The following GLG1 variants were observed in gnomAD, a reference collection of about 807,000 sequenced individuals.
The protein encoded by GLG1 is golgi glycoprotein 1, also known as Golgi apparatus protein 1.
GLG1 carries 38 observed loss-of-function variants against 160.5 expected under a neutral mutation model. That is an observed-to-expected ratio of 0.24 (90% CI 0.18 to 0.31). The LOEUF is 0.31. GLG1 is among the 10% of genes least tolerant of loss of function. The probability of loss-of-function intolerance (pLI) is 1.00; values close to 1 mark genes in which losing one functional copy is unlikely to be tolerated. For missense variants in GLG1, 1,373 were observed against 1,505.2 expected, an observed-to-expected ratio of 0.91 and a Z score of 1.45; for synonymous variants, 644 against 543.4, an observed-to-expected ratio of 1.19 and a Z score of -2.57.
In GLG1 at chr16:74,532,193, A is replaced by ATAT. The variant is rs751339639; in HGVS notation, c.439-41_439-40insATA. Reference sequence around the variant, plus strand: ...AAAGAAGAGATGATGTAAAAAAAAAAATATATATATATATATATAGAGAAC... The same window carrying ATAT: ...AAAGAAGAGATGATGTAAAAAAAAAATATATATATATATATATATATAGAGAAC... On this transcript the variant is annotated intron_variant, in intron 1 of 25. Transcript: ENST00000422840. 11 of 324,990 alleles carry ATAT rather than the reference A, an allele frequency of 3.4e-5. No homozygotes were observed. In the African/African-American group the frequency reaches 4.0e-4, roughly 12 times the overall value. 20.1% of individuals were successfully genotyped at this position (324,990 alleles called of 1,614,324 possible).
chr16:74,572,800 G>A (rs1291256247), intron 1 of GLG1, among the ~76,000 whole-genome samples: 3 of 152,184 alleles, frequency 2.0e-5, no homozygotes, highest in Admixed American at 2.0e-4. Flanking sequence ...GGGGTGGGAG[G>A]GGGTGGTGCC....
chr16:74,456,606 ATTTTTTTGT>A, intron 25 of GLG1, 34 bp downstream of exon 25: 2 of 1,196,100 alleles, frequency 1.7e-6, no homozygotes, highest in Non-Finnish European at 2.5e-6. Context: ...AGTGTTCCAT[ATTTTTTTGT>A]TTTTTTAAAA....
intron 1 of GLG1, among the ~76,000 whole-genome samples, chr16:74,602,848 A>G (rs745373009): frequency 9.9e-5 from 15 of 151,538 alleles, no homozygotes; most frequent in Admixed American, 4.6e-4. Context: ...TCATTACCCT[A>G]TTCTCTCTAC....
chr16:74,509,153 C>G (rs1269599314), intron 2 of GLG1, among the ~76,000 whole-genome samples: 1 of 139,722 alleles, frequency 7.2e-6, no homozygotes, highest in African/African-American at 2.6e-5. Flanking sequence ...GTCGTTTTTA[C>G]TAAAGGACAA....
chr16:74,585,467 G>A (rs536764201), intron 1 of GLG1, among the ~76,000 whole-genome samples: 1 of 152,204 alleles, frequency 6.6e-6, no homozygotes, highest in South Asian at 2.1e-4. Flanking sequence ...AGCACTTTGG[G>A]AAGCTGAGAT....
chr16:74,545,547 G>A (rs1192771716), intron 1 of GLG1, among the ~76,000 whole-genome samples: 1 of 152,168 alleles, frequency 6.6e-6, no homozygotes, highest in Non-Finnish European at 1.5e-5. Context: ...CCAGACCCTA[G>A]TCTTTCAATC....
intron 1 of GLG1, chr16:74,552,114 C>T (rs1567519055): frequency 8.2e-6 from 2 of 244,494 alleles, no homozygotes; most frequent in Non-Finnish European, 1.6e-5. Context: ...GCACATCCAA[C>T]ATTTACCAGA....
At chr16:74,524,130 A>C (rs1449775821) in intron 2 of GLG1, among the ~76,000 whole-genome samples, 2 of 151,966 alleles carry the variant, frequency 1.3e-5, no homozygotes, top group Non-Finnish European at 2.9e-5. Context: ...AATCACTTGA[A>C]CCCAGGAGGT....
intron 2 of GLG1, among the ~76,000 whole-genome samples, chr16:74,527,603 T>C (rs1263745303): frequency 1.3e-5 from 2 of 152,184 alleles, no homozygotes; most frequent in African/African-American, 4.8e-5. Flanking sequence ...TCAATTATTT[T>C]TCTCTTCTAG....
intron 3 of GLG1, among the ~76,000 whole-genome samples, chr16:74,504,682 T>A (rs16957176): frequency 0.014 from 2,120 of 152,290 alleles, 36 homozygotes; most frequent in African/African-American, 0.048. Context: ...CGCTGTGGTC[T>A]GGGACACATG....
At chr16:74,454,671 A>C (rs1364098397) in intron 25 of GLG1, among the ~76,000 whole-genome samples, 787 of 69,618 alleles carry the variant, frequency 0.011, 22 homozygotes, top group African/African-American at 0.041. Context: ...GTCCCCAAAA[A>C]AAAAAAAAAA....
chr16:74,530,383 T>C (rs2550810), intron 2 of GLG1, among the ~76,000 whole-genome samples: 2 of 146,726 alleles, frequency 1.4e-5, no homozygotes, highest in African/African-American at 2.5e-5. Flanking sequence ...TCAGCCAACT[T>C]CTTCTGCAGA....
At chr16:74,456,510 A>G (rs2014546451) in intron 25 of GLG1, 139 bp downstream of exon 25, 2 of 667,646 alleles carry the variant, frequency 3.0e-6, no homozygotes, top group Non-Finnish European at 5.3e-6. Flanking sequence ...TAAGGACAAG[A>G]CCAGTGCGAT....
chr16:74,504,073 T>C (rs1480700144), intron 3 of GLG1, among the ~76,000 whole-genome samples: 1 of 152,188 alleles, frequency 6.6e-6, no homozygotes, highest in African/African-American at 2.4e-5. Context: ...ATCTACAGCT[T>C]TGGCATGGTC....
At chr16:74,563,726 C>CAA (rs539716895) in intron 1 of GLG1, among the ~76,000 whole-genome samples, 4 of 85,664 alleles carry the variant, frequency 4.7e-5, no homozygotes, top group Non-Finnish European at 4.8e-5. Context: ...GACCCTGTCT[C>CAA]AAAAAAAAAA....
intron 1 of GLG1, among the ~76,000 whole-genome samples, chr16:74,584,169 T>A: frequency 6.6e-6 from 1 of 152,164 alleles, no homozygotes; most frequent in Non-Finnish European, 1.5e-5. Context: ...ATAGACCTCC[T>A]AGTTCCCCCG....
intron 2 of GLG1, among the ~76,000 whole-genome samples, chr16:74,522,142 GA>G (rs2017184367): frequency 6.6e-6 from 1 of 152,230 alleles, no homozygotes; most frequent in African/African-American, 2.4e-5. Flanking sequence ...AAGGGAAAGG[GA>G]AATTAAGAAG....
chr16:74,485,580 C>A (rs2015760109), intron 9 of GLG1, among the ~76,000 whole-genome samples: 1 of 152,192 alleles, frequency 6.6e-6, no homozygotes, highest in Admixed American at 6.5e-5. Flanking sequence ...TAAACACCAT[C>A]ACAATATTGG....
intron 1 of GLG1, among the ~76,000 whole-genome samples, chr16:74,571,032 G>T (rs996826642): frequency 1.1e-4 from 17 of 151,552 alleles, no homozygotes; most frequent in African/African-American, 4.1e-4. Flanking sequence ...ACCTGCTTTG[G>T]TCAGTAAAAC....
Sources: allele counts gnomAD v4.1 joint callset (sites outside exome capture counted in the v4.1 genomes callset), GRCh38; gene constraint gnomAD v4.1.1; transcripts MANE v1.5; gene names NCBI Gene and HGNC (gene_info 2026-07-23, HGNC 2026-07-21).